Variants in STT3B observed in about 807,000 individuals in gnomAD.
The protein encoded by STT3B is dolichyl-diphosphooligosaccharide--protein glycosyltransferase subunit STT3B.
In STT3B, 29 loss-of-function variants were observed where a neutral mutation model predicts 96.8. The observed-to-expected ratio is 0.30, with a 90% CI of 0.22 to 0.41. The LOEUF is 0.41. Ranked by LOEUF, STT3B falls within the 10% of genes least tolerant of loss-of-function variation. The pLI, the probability that STT3B is intolerant of heterozygous loss-of-function variation, is 1.00. For synonymous variants in STT3B, 367 were observed against 360.0 expected (o/e 1.02, Z -0.22); for missense variants, 640 against 1,022.3 (o/e 0.63, Z 5.10).
intron 6 of STT3B, 21 bp downstream of exon 6, chr3:31,615,224 C>T (rs1408603130): frequency 6.5e-7 from 1 of 1,545,598 alleles, no homozygotes; most frequent in Non-Finnish European, 8.9e-7. Flanking sequence ...TATATATTTT[C>T]CTTCTTCTAA....
In STT3B at chr3:31,635,974, T is replaced by C; in HGVS notation, c.2401-10T>C. 14 of 1,597,160 alleles carry C rather than the reference T, an allele frequency of 8.8e-6. No individual in the cohort carries two copies. The highest frequency in any genetic ancestry group is 1.1e-5 in the Non-Finnish European group (13 of 1,172,782). ...CCTGCATTAATACTATGTGTTTTGT[T>C]TTTTTATAGACTACCAAAAGGAAGC... On this transcript the variant is annotated splice_polypyrimidine_tract_variant and intron_variant, in intron 15 of 15. Transcript: ENST00000295770.
At chr3:31,542,714 G>T (rs1697309960) in intron 1 of STT3B, among the ~76,000 whole-genome samples, 1 of 152,192 alleles carries the variant, frequency 6.6e-6, no homozygotes, top group Non-Finnish European at 1.5e-5. Context: ...AACGCCTCTA[G>T]TGTATTTCTT....
At position 31,619,767 on chromosome 3, in the gene STT3B, G is replaced by A. The variant is rs1379526780; in HGVS notation, c.1264G>A (p.Val422Ile). The A allele has an allele frequency of 6.2e-7, 1 of 1,613,642 alleles. No homozygotes were observed. The highest frequency in any genetic ancestry group is 8.5e-7 in the Non-Finnish European group (1 of 1,179,730). ...TTTCTTCTTTGATCTACATATTCTT[G>A]TATGTACCTTCCCAGCAGGCCTTTG... ...VSFFFDLHIL[V>I]CTFPAGLWFC... Residue 422 changes from valine to isoleucine, a missense_variant, in exon 9 of 16, where the codon GTA (valine) becomes ATA (isoleucine). Physicochemically the swap from Val to Ile is conservative, Grantham distance 29 (BLOSUM62 3). Transcript: ENST00000295770.
intron 3 of STT3B, among the ~76,000 whole-genome samples, chr3:31,587,956 T>C (rs985485187): frequency 1.3e-5 from 2 of 152,178 alleles, no homozygotes; most frequent in African/African-American, 2.4e-5. Flanking sequence ...ATTCCTCTTA[T>C]GTCTGGTTTC....
At chr3:31,573,082 G>A (rs1249942002) in intron 1 of STT3B, among the ~76,000 whole-genome samples, 6 of 152,166 alleles carry the variant, frequency 3.9e-5, no homozygotes, top group Middle Eastern at 3.4e-3. Flanking sequence ...CAGGCAGAGG[G>A]GATTAGCAGT....
chr3:31,631,041 C>T (rs1699645509), intron 14 of STT3B, among the ~76,000 whole-genome samples: 2 of 152,306 alleles, frequency 1.3e-5, no homozygotes, highest in South Asian at 4.1e-4. Context: ...GATCCCCCTG[C>T]CTTGGCCTCC....
At chr3:31,550,912 T>C (rs905582838) in intron 1 of STT3B, among the ~76,000 whole-genome samples, 31 of 152,150 alleles carry the variant, frequency 2.0e-4, no homozygotes, top group African/African-American at 6.8e-4. Context: ...ATGCCAACTT[T>C]AGTTGGCCTT....
chr3:31,538,787 A>G (rs1030077814), intron 1 of STT3B, among the ~76,000 whole-genome samples: 2 of 152,158 alleles, frequency 1.3e-5, no homozygotes, highest in Non-Finnish European at 2.9e-5. Flanking sequence ...TCTGTCTTCA[A>G]CCGTCTATCT....
chr3:31,602,638 G>T (rs918592144), intron 5 of STT3B, among the ~76,000 whole-genome samples: 1 of 150,076 alleles, frequency 6.7e-6, no homozygotes, highest in Non-Finnish European at 1.5e-5. Flanking sequence ...TTTGAGAAAG[G>T]CCTTTGTATT....
chr3:31,583,459 C>T (rs1327111278), intron 3 of STT3B, among the ~76,000 whole-genome samples: 1 of 152,136 alleles, frequency 6.6e-6, no homozygotes, highest in African/African-American at 2.4e-5. Flanking sequence ...TTTGAACCAC[C>T]ACACCCTGCC....
At chr3:31,585,415 G>T (rs1698514735) in intron 3 of STT3B, among the ~76,000 whole-genome samples, 1 of 151,948 alleles carries the variant, frequency 6.6e-6, no homozygotes, top group South Asian at 2.1e-4. Flanking sequence ...ACATGTAAAG[G>T]TATAGAATAT....
At chr3:31,540,164 A>T (rs968139188) in intron 1 of STT3B, among the ~76,000 whole-genome samples, 1 of 152,180 alleles carries the variant, frequency 6.6e-6, no homozygotes, top group Non-Finnish European at 1.5e-5. Flanking sequence ...TTAAATTTAC[A>T]ATATCGTAAA....
intron 14 of STT3B, among the ~76,000 whole-genome samples, chr3:31,630,509 G>C (rs908282495): frequency 2.6e-5 from 4 of 152,254 alleles, no homozygotes; most frequent in South Asian, 2.1e-4. Flanking sequence ...TTTTCATTGA[G>C]GTTTCTCCTG....
At chr3:31,629,066 A>G (rs541490145) in intron 13 of STT3B, among the ~76,000 whole-genome samples, 35 of 152,296 alleles carry the variant, frequency 2.3e-4, no homozygotes, top group Middle Eastern at 3.4e-3. Flanking sequence ...CAGTCACGCC[A>G]CTGCACTCCA....
At chr3:31,583,849 C>G (rs1325090648) in intron 3 of STT3B, among the ~76,000 whole-genome samples, 1 of 152,002 alleles carries the variant, frequency 6.6e-6, no homozygotes, top group African/African-American at 2.4e-5. Context: ...ATTTGAATCC[C>G]TTTACTTTTG....
intron 6 of STT3B, among the ~76,000 whole-genome samples, chr3:31,615,457 A>G (rs1367343200): frequency 6.6e-6 from 1 of 151,900 alleles, no homozygotes; most frequent in African/African-American, 2.4e-5. Flanking sequence ...AGATAGCAAT[A>G]TATAACTTTC....
intron 9 of STT3B, 66 bp from the exon 10 acceptor site, chr3:31,622,031 G>T: frequency 1.0e-6 from 1 of 997,466 alleles, no homozygotes; most frequent in Non-Finnish European, 1.5e-6. Flanking sequence ...ATAGTTTTAA[G>T]TATCTAGTTC....
intron 5 of STT3B, among the ~76,000 whole-genome samples, chr3:31,606,008 T>G (rs1699044765): frequency 6.6e-6 from 1 of 152,196 alleles, no homozygotes; most frequent in Admixed American, 6.5e-5. Context: ...TGGTATGTTT[T>G]AACAAAGAGA....
At chr3:31,616,864 A>AT in intron 6 of STT3B, 65 bp from the exon 7 acceptor site, 1 of 1,439,748 alleles carries the variant, frequency 6.9e-7, no homozygotes, top group Middle Eastern at 2.1e-4. Flanking sequence ...GCTCTTTCAA[A>AT]TGAAAGTTTT....
Sources: gnomAD v4.1 joint callset for allele counts (sites outside exome capture counted in the v4.1 genomes callset) on GRCh38, gnomAD v4.1.1 for gene constraint, MANE v1.5 for transcripts, NCBI Gene and HGNC (gene_info 2026-07-23, HGNC 2026-07-21) for gene names.